Variants in SSBP2 observed in about 807,000 individuals in gnomAD.
SSBP2 encodes single-stranded DNA-binding protein 2.
Under a neutral mutation model 61.8 loss-of-function variants are expected in SSBP2, and 17 were observed. The ratio of observed to expected loss-of-function variants is 0.28; its 90% CI spans 0.19 to 0.41. The LOEUF is 0.41. Ranked by LOEUF, SSBP2 falls within the 10% of genes least tolerant of loss-of-function variation. SSBP2 has a pLI of 1.00. For synonymous variants in SSBP2, 139 were observed against 141.3 expected (o/e 0.98, Z 0.12); for missense variants, 310 against 458.7 (o/e 0.68, Z 2.96).
intron 4 of SSBP2, among the ~76,000 whole-genome samples, chr5:81,544,884 A>G (rs956020249): frequency 5.9e-5 from 9 of 152,162 alleles, no homozygotes; most frequent in Non-Finnish European, 4.4e-5. Flanking sequence ...GGTGCTTCCA[A>G]GTTTGGCCCA....
At chr5:81,452,760 G>C (rs956911122) in intron 10 of SSBP2, among the ~76,000 whole-genome samples, 4 of 152,108 alleles carry the variant, frequency 2.6e-5, no homozygotes, top group African/African-American at 9.7e-5. Flanking sequence ...TATAGGATTT[G>C]AAGGTACCAG....
At chr5:81,424,241 T>A (rs1208547705) in intron 16 of SSBP2, among the ~76,000 whole-genome samples, 4 of 151,860 alleles carry the variant, frequency 2.6e-5, no homozygotes, top group African/African-American at 9.7e-5. Flanking sequence ...CTGACCAACA[T>A]GGTGAAACCC....
chr5:81,615,870 A>G (rs1745963246), intron 3 of SSBP2, among the ~76,000 whole-genome samples: 1 of 152,222 alleles, frequency 6.6e-6, no homozygotes, highest in Admixed American at 6.5e-5. Context: ...AATACTTTTC[A>G]CAATTTTCCC....
At chr5:81,458,658 G>A (rs1279219531) in intron 10 of SSBP2, among the ~76,000 whole-genome samples, 3 of 152,132 alleles carry the variant, frequency 2.0e-5, no homozygotes, top group East Asian at 1.9e-4. Flanking sequence ...GTATTGGTAC[G>A]AACTGAAAAG....
At chr5:81,729,735 ATTTATT>A (rs1756129762) in intron 1 of SSBP2, among the ~76,000 whole-genome samples, 1 of 152,130 alleles carries the variant, frequency 6.6e-6, no homozygotes, top group Non-Finnish European at 1.5e-5. Flanking sequence ...CTTTAATTAT[ATTTATT>A]TTTAATATTC....
chr5:81,699,363 A>C (rs1279564756), intron 1 of SSBP2, among the ~76,000 whole-genome samples: 1 of 152,242 alleles, frequency 6.6e-6, no homozygotes, highest in Non-Finnish European at 1.5e-5. Context: ...CTTCTTTCAA[A>C]ATTGGAGTCA....
intron 5 of SSBP2, among the ~76,000 whole-genome samples, chr5:81,506,295 C>T (rs184707967): frequency 2.6e-5 from 4 of 152,182 alleles, no homozygotes; most frequent in Non-Finnish European, 1.5e-5. Flanking sequence ...AAGCCAACTT[C>T]CTCACCTCCA....
intron 1 of SSBP2, among the ~76,000 whole-genome samples, chr5:81,696,051 C>A (rs1485683312): frequency 6.6e-6 from 1 of 152,100 alleles, no homozygotes; most frequent in African/African-American, 2.4e-5. Flanking sequence ...ACCTGACTTG[C>A]AAATATCCAT....
intron 5 of SSBP2, among the ~76,000 whole-genome samples, chr5:81,492,161 G>C (rs1766903462): frequency 6.6e-6 from 1 of 152,308 alleles, no homozygotes; most frequent in Non-Finnish European, 1.5e-5. Context: ...TCTATTGACA[G>C]ACATGTCAGT....
chr5:81,612,428 A>C (rs1293388695), intron 4 of SSBP2, among the ~76,000 whole-genome samples: 2 of 152,152 alleles, frequency 1.3e-5, no homozygotes, highest in African/African-American at 4.8e-5. Flanking sequence ...TGAAATAATT[A>C]ATAATTGCAG....
At chr5:81,688,069 T>A (rs1006314839) in intron 1 of SSBP2, among the ~76,000 whole-genome samples, 2 of 152,090 alleles carry the variant, frequency 1.3e-5, no homozygotes, top group African/African-American at 4.8e-5. Context: ...CCTTGGCTCT[T>A]GGATGGCATT....
At chr5:81,727,157 T>A (rs1290184351) in intron 1 of SSBP2, among the ~76,000 whole-genome samples, 2 of 152,200 alleles carry the variant, frequency 1.3e-5, no homozygotes, top group Non-Finnish European at 2.9e-5. Flanking sequence ...GCTAAGTGTC[T>A]TTGGGCAAAT....
At chr5:81,480,494 T>C (rs763665914) in intron 6 of SSBP2, among the ~76,000 whole-genome samples, 18 of 152,192 alleles carry the variant, frequency 1.2e-4, no homozygotes, top group Non-Finnish European at 2.6e-4. Flanking sequence ...AGGCTTCAGT[T>C]AGCTGTAATC....
At chr5:81,496,698 GAAGTTTA>G (rs1767309704) in intron 5 of SSBP2, among the ~76,000 whole-genome samples, 1 of 149,222 alleles carries the variant, frequency 6.7e-6, no homozygotes, top group African/African-American at 2.6e-5. Flanking sequence ...GTTCAAGAAG[GAAGTTTA>G]ACTTTTTAAA....
chr5:81,501,700 C>A (rs996608690), intron 5 of SSBP2, among the ~76,000 whole-genome samples: 1 of 151,320 alleles, frequency 6.6e-6, no homozygotes, highest in East Asian at 2.0e-4. Context: ...GTAGCTGGGA[C>A]TACAGGCGCC....
intron 1 of SSBP2, among the ~76,000 whole-genome samples, chr5:81,738,583 CCT>C (rs1372268223): frequency 6.6e-6 from 1 of 152,134 alleles, no homozygotes; most frequent in Non-Finnish European, 1.5e-5. Context: ...TTTAAAATTA[CCT>C]GTTCCTCCTC....
At chr5:81,722,890 T>G (rs562578420) in intron 1 of SSBP2, among the ~76,000 whole-genome samples, 25 of 151,992 alleles carry the variant, frequency 1.6e-4, no homozygotes, top group Non-Finnish European at 3.2e-4. Context: ...TCTACTTACT[T>G]CCAGCTCAAA....
At chr5:81,667,286 T>TAC (rs71605804) in intron 1 of SSBP2, among the ~76,000 whole-genome samples, 16,700 of 133,614 alleles carry the variant, frequency 0.12, 1,015 homozygotes, top group East Asian at 0.15. Context: ...GGGATACAGA[T>TAC]ACACACACAC....
intron 4 of SSBP2, among the ~76,000 whole-genome samples, chr5:81,537,524 G>A (rs1304170013): frequency 6.6e-6 from 1 of 152,078 alleles, no homozygotes. Context: ...TATTGTGGTT[G>A]TTTTTGTTAT....
Sources: gnomAD v4.1 joint callset for allele counts (sites outside exome capture counted in the v4.1 genomes callset) on GRCh38, gnomAD v4.1.1 for gene constraint, MANE v1.5 for transcripts, NCBI Gene and HGNC (gene_info 2026-07-23, HGNC 2026-07-21) for gene names.